The following ZFYVE26 variants were observed in gnomAD, a reference collection of about 807,000 sequenced individuals.
ZFYVE26 encodes the protein zinc finger FYVE-type containing 26.
A neutral mutation model predicts 276.5 loss-of-function variants in ZFYVE26; 181 were observed. That is an observed-to-expected ratio of 0.65 (90% CI 0.58 to 0.74). The LOEUF (loss-of-function observed/expected upper bound fraction) is 0.74. Ranked by LOEUF, ZFYVE26 falls within the 30% of genes least tolerant of loss-of-function variation. ZFYVE26 has a pLI of 0.00. For missense variants in ZFYVE26, 2,821 were observed against 3,097.9 expected (o/e 0.91, Z 2.12); for synonymous variants, 1,129 against 1,203.1 (o/e 0.94, Z 1.27).
At chr14:67,773,794 AAG>A (rs1008258478) in intron 27 of ZFYVE26, among the ~76,000 whole-genome samples, 4 of 152,180 alleles carry the variant, frequency 2.6e-5, no homozygotes, top group Admixed American at 2.6e-4. Context: ...GTCACAGAAA[AAG>A]AGAGATGTAA....
chr14:67,797,626 C>T (rs1349702898), intron 12 of ZFYVE26, 46 bp downstream of exon 12: 2 of 1,584,590 alleles, frequency 1.3e-6, no homozygotes, highest in Admixed American at 3.4e-5. Flanking sequence ...AGACAAGCAG[C>T]ATTACACCAC....
intron 32 of ZFYVE26, among the ~76,000 whole-genome samples, chr14:67,765,780 A>G (rs1027282159): frequency 1.3e-5 from 2 of 152,174 alleles, no homozygotes. Flanking sequence ...TTTAAAATCT[A>G]TTATCCAGAA....
chr14:67,815,867 G>A lies in ZFYVE26; in HGVS notation c.97C>T (p.Gln33Ter). The A allele has an allele frequency of 6.2e-7, 1 of 1,614,128 alleles. No individual in the cohort carries two copies. Among genetic ancestry groups the A allele is most frequent in the Non-Finnish European group, 8.5e-7 (1 of 1,180,030 alleles). ...CLRRGEWELA[Q>*]ACVPQLQEGQ... ...TCCTGTAGCTGAGGTACACATGCCT[G>A]TGCCAGCTCCCATTCTCCCCTCCGC... Residue 33 changes from glutamine (Q) to a stop codon, truncating the protein, a stop_gained, in exon 2 of 42, where the codon CAG (glutamine) becomes TAG (stop). Transcript: ENST00000347230. LOFTEE classifies it high-confidence loss of function.
chr14:67,810,787 A>C (rs751157276), intron 3 of ZFYVE26, among the ~76,000 whole-genome samples: 44 of 152,166 alleles, frequency 2.9e-4, no homozygotes, highest in Admixed American at 5.2e-4. Flanking sequence ...AATATGAGAC[A>C]TCTGTCAATC....
Position 67,798,416 on chromosome 14 carries a change from G to A in ZFYVE26, c.1846C>T (p.Pro616Ser). The change falls in exon 11 of 42, where the codon CCA (proline) becomes TCA (serine). Residue 616 changes from proline (P) to serine (S), a missense_variant. By Grantham distance (74) the Pro-to-Ser change is moderately conservative (BLOSUM62 -1). Coordinates refer to ENST00000347230, the MANE Select transcript of ZFYVE26 (RefSeq NM_015346.4). ...GCTATGTGCTGAGGGCTCTCTGATG[G>A]GGACCTCAAACCTGAGGGGCTCTTC... ...EGKSPSGLRS[P>S]SESPQHIAHP... 1 of 1,613,318 alleles carries A rather than the reference G, an allele frequency of 6.2e-7. No homozygotes were observed. The highest frequency in any genetic ancestry group is 1.1e-5 in the South Asian group (1 of 91,070).
rs200123452 is a variant in ZFYVE26, at chr14:67,783,303, T to C, written c.3849A>G (p.Thr1283=). 7.4e-6 allele frequency: 12 copies of C among 1,613,070 alleles called. No individual in the cohort carries two copies. The highest frequency in any genetic ancestry group is 5.0e-5 in the Admixed American group (3 of 59,998). ...PSSPRTTENP[T]LERKPYSSPR... is the part of the protein sequence containing the mutation. The stretch of plus-strand genomic sequence containing the variant: ...GGGAGGAGTAGGGCTTTCTTTCCAA[T>C]GTAGGGTTCTCAGTTGTCCTCGGGG... The change falls in exon 21 of 42, where the codon ACA becomes ACG. Residue 1283 remains threonine (T), a synonymous_variant. Transcript: ENST00000347230.
rs769171645 is a variant in ZFYVE26 at position 67,772,126 on chromosome 14, G to A, written c.5405C>T (p.Thr1802Ile). Residue 1802 changes from threonine (T) to isoleucine (I), a missense_variant, in exon 28 of 42, where the codon ACA becomes ATA. By Grantham distance (89) the Thr-to-Ile change is moderately conservative. Coordinates refer to ENST00000347230, the MANE Select transcript of ZFYVE26 (RefSeq NM_015346.4). ...TACCCACTGGTGCCTGGCAGGGGGT[G>A]TCGCTGGGGGCACAAATTCCTGTGA... Reference protein sequence around the residue: ...QPSQEFVPPATPPARHQWVPD... With the variant: ...QPSQEFVPPAIPPARHQWVPD... The A allele has an allele frequency of 1.2e-6, 2 of 1,613,080 alleles. No individual in the cohort carries two copies. The highest frequency in any genetic ancestry group is 1.7e-6 in the Non-Finnish European group (2 of 1,179,796).
intron 27 of ZFYVE26, among the ~76,000 whole-genome samples, chr14:67,774,028 G>A (rs939237351): frequency 6.6e-6 from 1 of 152,072 alleles, no homozygotes; most frequent in Non-Finnish European, 1.5e-5. Flanking sequence ...GGCTAAGTAC[G>A]GTCAAGGCTC....
chr14:67,794,054 C>G (rs2039890689), intron 13 of ZFYVE26, 117 bp downstream of exon 13: 2 of 1,194,906 alleles, frequency 1.7e-6, no homozygotes, highest in African/African-American at 1.5e-5. Flanking sequence ...ATCTGGCCAT[C>G]TGCCAACCTT....
rs2039538363 is a variant in ZFYVE26 at position 67,782,858 on chromosome 14, G to A, written c.4294C>T (p.Leu1432Phe). 1 of 1,614,224 alleles carries A rather than the reference G, an allele frequency of 6.2e-7. No individual in the cohort carries two copies. ...ACATCTCGCCCGTACACTTCAGTGAGCTGAAGGGCCCGGGACCAATCTCTG... is the reference window on the plus strand; with the variant it reads ...ACATCTCGCCCGTACACTTCAGTGAACTGAAGGGCCCGGGACCAATCTCTG... ...VARDWSRALQLTEVYGRDVDD... is the reference protein window; with the variant it reads ...VARDWSRALQFTEVYGRDVDD... The change falls in exon 21 of 42, where the codon CTC becomes TTC. Residue 1432 changes from leucine (L) to phenylalanine (F), a missense_variant. By Grantham distance (22) the Leu-to-Phe change is conservative. Coordinates refer to ENST00000347230, the MANE Select transcript of ZFYVE26 (RefSeq NM_015346.4).
chr14:67,797,785 GGA>G (rs778963453), intron 11 of ZFYVE26, 30 bp from the exon 12 acceptor site: 2 of 1,612,866 alleles, frequency 1.2e-6, no homozygotes, highest in East Asian at 2.2e-5. Context: ...GGGACAGAAA[GGA>G]GAGTGATCAA....
At chr14:67,809,098 T>A (rs2040240545) in intron 4 of ZFYVE26, 102 bp downstream of exon 4, 1 of 1,013,630 alleles carries the variant, frequency 9.9e-7, no homozygotes, top group Non-Finnish European at 1.6e-6. Flanking sequence ...GAGAACAAAG[T>A]ATGGGCAACA....
At chr14:67,803,789 T>C (rs919220765) in intron 9 of ZFYVE26, among the ~76,000 whole-genome samples, 2 of 151,018 alleles carry the variant, frequency 1.3e-5, no homozygotes, top group Non-Finnish European at 2.9e-5. Flanking sequence ...CTAACAATGC[T>C]GTGTATTCAG....
intron 8 of ZFYVE26, among the ~76,000 whole-genome samples, 156 bp downstream of exon 8, chr14:67,805,057 GTTTC>G (rs1331776046): frequency 1.3e-5 from 2 of 152,226 alleles, no homozygotes; most frequent in Admixed American, 6.5e-5. Context: ...AATTACTTGT[GTTTC>G]TTTCTTGGTT....
Position 67,815,863 on chromosome 14 carries a change from G to A in ZFYVE26, c.101C>T (p.Ala34Val). The A allele has an allele frequency of 6.2e-7, 1 of 1,614,110 alleles. No homozygotes were observed. The highest frequency in any genetic ancestry group is 1.7e-4 in the Middle Eastern group (1 of 6,016). Residue 34 changes from alanine to valine, a missense_variant, in exon 2 of 42, where the codon GCA (alanine) becomes GTA (valine). By Grantham distance (64) the Ala-to-Val change is moderately conservative. Coordinates refer to ENST00000347230, the MANE Select transcript of ZFYVE26 (RefSeq NM_015346.4). ...LRRGEWELAQ[A>V]CVPQLQEGQG... ...TCCCTCCTGTAGCTGAGGTACACATGCCTGTGCCAGCTCCCATTCTCCCCT... is the reference window on the plus strand; with the variant it reads ...TCCCTCCTGTAGCTGAGGTACACATACCTGTGCCAGCTCCCATTCTCCCCT...
intron 2 of ZFYVE26, among the ~76,000 whole-genome samples, chr14:67,814,951 G>A (rs1054299126): frequency 1.3e-5 from 2 of 152,126 alleles, no homozygotes; most frequent in Non-Finnish European, 2.9e-5. Context: ...GACTTAAAAC[G>A]GTACATTTGA....
intron 39 of ZFYVE26, 71 bp downstream of exon 39, chr14:67,753,636 G>T: frequency 6.7e-7 from 1 of 1,501,678 alleles, no homozygotes; most frequent in Non-Finnish European, 9.2e-7. Context: ...ATTTCCTAAA[G>T]AATAATCTCT....
At chr14:67,762,487 C>A in intron 33 of ZFYVE26, 75 bp from the exon 34 acceptor site, 1 of 1,548,866 alleles carries the variant, frequency 6.5e-7, no homozygotes, top group Admixed American at 1.9e-5. Flanking sequence ...CTATTCTATT[C>A]CCAAGTTGCC....
At chr14:67,759,364 C>T (rs938216164) in intron 35 of ZFYVE26, among the ~76,000 whole-genome samples, 16 of 151,500 alleles carry the variant, frequency 1.1e-4, no homozygotes, top group Non-Finnish European at 1.6e-4. Context: ...CGGTGGCTCA[C>T]GCCTATAATC....
Sources: gnomAD v4.1 joint callset for allele counts (sites outside exome capture counted in the v4.1 genomes callset) on GRCh38, gnomAD v4.1.1 for gene constraint, MANE v1.5 for transcripts, NCBI Gene and HGNC (gene_info 2026-07-23, HGNC 2026-07-21) for gene names.